BCAS3: variants seen among roughly 807,000 people sequenced by gnomAD.
BCAS3 encodes BCAS4/BCAS3 fusion.
Under a neutral mutation model 116.1 loss-of-function variants are expected in BCAS3, and 53 were observed. The observed-to-expected ratio is 0.46, with a 90% CI of 0.37 to 0.57. The LOEUF (loss-of-function observed/expected upper bound fraction) is 0.57. Ranked by LOEUF, BCAS3 falls within the 20% of genes least tolerant of loss-of-function variation. The pLI is 0.00. For missense variants in BCAS3, 917 were observed against 1,165.4 expected (o/e 0.79, Z 3.10); for synonymous variants, 391 against 408.2 (o/e 0.96, Z 0.51).
At position 60,960,597 on chromosome 17, in the gene BCAS3, CT is replaced by C. The variant is rs2061365001; in HGVS notation, c.1221+13246del. On this transcript the variant is annotated intron_variant, in intron 14 of 23. Coordinates refer to ENST00000407086, the MANE Select transcript of BCAS3 (RefSeq NM_017679.5). The surrounding 1 kb of genome is among the most constrained non-coding windows in gnomAD (Gnocchi z 4.1). ...TGGACTGCGGCTTCATTTTCTGGGCCTGTGGCTCTGCCCATTCCTGCCTTTG... is the reference window on the plus strand; with the variant it reads ...TGGACTGCGGCTTCATTTTCTGGGCCGTGGCTCTGCCCATTCCTGCCTTTG... 6.6e-6 allele frequency among the ~76,000 whole-genome samples: 1 copy of C among 152,134 alleles called. No homozygotes were observed. Among genetic ancestry groups the C allele is most frequent in the Non-Finnish European group, 1.5e-5 (1 of 68,044 alleles).
chr17:61,207,231 C>T (rs1318362764), intron 22 of BCAS3, among the ~76,000 whole-genome samples: 1 of 152,142 alleles, frequency 6.6e-6, no homozygotes, highest in Non-Finnish European at 1.5e-5. Context: ...CACCTGTTCT[C>T]CAGCCTATGG....
chr17:61,233,771 T>A lies in BCAS3; in HGVS notation c.2426-134556T>A, dbSNP rs572444642. Among the ~76,000 whole-genome samples the A allele has an allele frequency of 4.6e-5, 7 of 152,314 alleles. No homozygotes were observed. The South Asian group carries it at 1.5e-3, about 32-fold the overall frequency. On this transcript the variant is annotated intron_variant, in intron 22 of 23. Coordinates refer to ENST00000407086, the MANE Select transcript of BCAS3 (RefSeq NM_017679.5). The surrounding 1 kb of genome is among the most constrained non-coding windows in gnomAD (Gnocchi z 4.3). ...GCACAGAACTCTTTTTCTAATAAAA[T>A]TTTATGCAGGACCCCAATCTATAAA... is the stretch of plus-strand genomic sequence containing the variant.
chr17:60,896,194 G>A (rs1311447869), intron 10 of BCAS3, among the ~76,000 whole-genome samples: 6 of 152,136 alleles, frequency 3.9e-5, no homozygotes, highest in Non-Finnish European at 5.9e-5. Context: ...GCATGGTGGC[G>A]TGTGCCTGTA....
chr17:61,352,986 G>A lies in BCAS3; in HGVS notation c.2426-15341G>A, dbSNP rs559746940. 6.6e-6 allele frequency among the ~76,000 whole-genome samples: 1 copy of A among 152,340 alleles called. No homozygotes were observed. The highest frequency in any genetic ancestry group is 1.9e-4 in the East Asian group (1 of 5,182). On this transcript the variant is annotated intron_variant, in intron 22 of 23. Transcript: ENST00000407086. The surrounding 1 kb of genome is among the most constrained non-coding windows in gnomAD (Gnocchi z 4.7). Reference sequence around the variant, plus strand: ...CCTAACACAAGGCTGGGACTGCAGGGAGAGGCCAAGGGACTGGCAGCTGAA... The same window carrying A: ...CCTAACACAAGGCTGGGACTGCAGGAAGAGGCCAAGGGACTGGCAGCTGAA...
In BCAS3 at chr17:61,214,525, A is replaced by T. The variant is rs759711370; in HGVS notation, c.2425+129961A>T. ...TGGTGAAACCCCGTCTCTACTAAAA[A>T]TACCAAAAAAAAAAAATTAGCTGGG... is the stretch of plus-strand genomic sequence containing the variant. On this transcript the variant is annotated intron_variant, in intron 22 of 23. Transcript: ENST00000407086. This position sits in a 1 kb window ranked among gnomAD's most constrained non-coding sequence, Gnocchi z 4.4. Among the ~76,000 whole-genome samples, 6 of 20,236 alleles carry T rather than the reference A, an allele frequency of 3.0e-4. No individual in the cohort carries two copies. Among genetic ancestry groups the T allele is most frequent in the African/African-American group, 1.1e-3 (6 of 5,462 alleles). 13.3% of individuals were successfully genotyped at this position (20,236 alleles called of 152,430 possible). A position where few individuals can be genotyped will look rare whatever the true frequency, so the allele number is the denominator to read the frequency against.
chr17:60,742,954 A>G (rs111504237), intron 5 of BCAS3, among the ~76,000 whole-genome samples: 5,059 of 151,618 alleles, frequency 0.033, 229 homozygotes, highest in African/African-American at 0.1. Context: ...TCTACTAAAA[A>G]TACAAAAAAT....
intron 14 of BCAS3, chr17:60,986,994 GA>G (rs2063179973): frequency 6.6e-6 from 1 of 152,010 alleles, no homozygotes; most frequent in African/African-American, 2.4e-5. Context: ...AATCCATTTT[GA>G]TTTTATTTAT....
At chr17:61,045,933 A>AT (rs1555685160) in intron 19 of BCAS3, among the ~76,000 whole-genome samples, 58 of 16,904 alleles carry the variant, frequency 3.4e-3, no homozygotes, top group Non-Finnish European at 3.7e-3. Context: ...AATATATATA[A>AT]ATATATATAT....
At chr17:60,678,270 C>G (rs2032323604) in intron 1 of BCAS3, among the ~76,000 whole-genome samples, 1 of 152,038 alleles carries the variant, frequency 6.6e-6, no homozygotes, top group South Asian at 2.1e-4. Context: ...GTGCAGGTAT[C>G]CTCTGAGGAG....
At position 61,028,428 on chromosome 17, in the gene BCAS3, C is replaced by A. The variant is rs936929522; in HGVS notation, c.1638-6238C>A. Among the ~76,000 whole-genome samples, 3 of 151,782 alleles carry A rather than the reference C, an allele frequency of 2.0e-5. No individual in the cohort carries two copies. The highest frequency in any genetic ancestry group is 7.2e-5 in the African/African-American group (3 of 41,412). On this transcript the variant is annotated intron_variant, in intron 16 of 23. Coordinates refer to ENST00000407086, the MANE Select transcript of BCAS3 (RefSeq NM_017679.5). This position sits in a 1 kb window ranked among gnomAD's most constrained non-coding sequence, Gnocchi z 4.3. ...AAGATACACAGATCTTACTTATGAG[C>A]CTTCCAGTGATCAGTGAATTTTAAA...
intron 15 of BCAS3, among the ~76,000 whole-genome samples, chr17:61,009,330 T>C (rs1278009071): frequency 6.6e-6 from 1 of 152,112 alleles, no homozygotes. Context: ...GACAGTGCTC[T>C]TTTTATCCTC....
chr17:60,974,652 A>C (rs1181750806), intron 14 of BCAS3, among the ~76,000 whole-genome samples: 2 of 152,196 alleles, frequency 1.3e-5, no homozygotes, highest in Non-Finnish European at 2.9e-5. Context: ...TATAATGAGA[A>C]ATGTGAGATA....
intron 4 of BCAS3, among the ~76,000 whole-genome samples, chr17:60,703,358 G>A (rs1163411828): frequency 3.3e-5 from 5 of 151,814 alleles, no homozygotes; most frequent in Non-Finnish European, 5.9e-5. Flanking sequence ...GGAGACTGAG[G>A]CGGGCAGATC....
intron 22 of BCAS3, among the ~76,000 whole-genome samples, chr17:61,232,200 GAAAAAAAAAA>G (rs71148394): frequency 2.1e-4 from 15 of 72,488 alleles, no homozygotes; most frequent in East Asian, 4.6e-4. Context: ...GAAAGACTCC[GAAAAAAAAAA>G]AAAAAAAAAA....
chr17:60,984,591 G>T (rs2145411668), intron 14 of BCAS3, among the ~76,000 whole-genome samples: 1 of 151,816 alleles, frequency 6.6e-6, no homozygotes, highest in Middle Eastern at 3.4e-3. Flanking sequence ...GGTAATTGGG[G>T]TATCCATCAC....
At chr17:60,982,296 AT>A (rs1202437008) in intron 14 of BCAS3, among the ~76,000 whole-genome samples, 6 of 152,202 alleles carry the variant, frequency 3.9e-5, no homozygotes, top group South Asian at 2.1e-4. Context: ...GATAATCCAT[AT>A]TTTTTAAATT....
At chr17:61,027,231 A>G (rs1346501865) in intron 16 of BCAS3, 3 of 427,516 alleles carry the variant, frequency 7.0e-6, no homozygotes, top group Non-Finnish European at 1.3e-5. Flanking sequence ...TTTGAGTATT[A>G]TGGCATTAGA....
At position 61,366,884 on chromosome 17, in the gene BCAS3, G is replaced by A. The variant is rs968783344; in HGVS notation, c.2426-1443G>A. ...CACACATATAAATCGCAGCAGGCTG[G>A]CCAAGGGCCTTTGTCTGGCCAGGAG... On this transcript the variant is annotated intron_variant, in intron 22 of 23. Transcript: ENST00000407086. The surrounding 1 kb of genome is among the most constrained non-coding windows in gnomAD (Gnocchi z 4.5). Among the ~76,000 whole-genome samples, 1 of 152,220 alleles carries A rather than the reference G, an allele frequency of 6.6e-6. No individual in the cohort carries two copies.
At chr17:61,035,703 C>T (rs996012950) in intron 17 of BCAS3, among the ~76,000 whole-genome samples, 2 of 151,824 alleles carry the variant, frequency 1.3e-5, no homozygotes, top group African/African-American at 4.8e-5. Flanking sequence ...GTGGAGGATA[C>T]ATCCAAGACC....
Sources: gnomAD v4.1 joint callset for allele counts (sites outside exome capture counted in the v4.1 genomes callset) on GRCh38, gnomAD v4.1.1 for gene constraint, Gnocchi (gnomAD v3.1) non-coding constraint, MANE v1.5 for transcripts, NCBI Gene and HGNC (gene_info 2026-07-23, HGNC 2026-07-21) for gene names.